RFC4: variants seen among roughly 807,000 people sequenced by gnomAD.
RFC4 encodes A1 37 kDa subunit.
Under a neutral mutation model 47.6 loss-of-function variants are expected in RFC4, and 38 were observed. That is an observed-to-expected ratio of 0.80 (90% confidence interval 0.62 to 1.05). RFC4 has a LOEUF of 1.05. RFC4 is among the 50% of genes least tolerant of loss of function. The probability of loss-of-function intolerance (pLI) is 0.00; values close to 1 mark genes in which losing one functional copy is unlikely to be tolerated. For missense variants in RFC4, 489 were observed against 434.0 expected (o/e 1.13, Z -1.13); for synonymous variants, 164 against 150.0 (o/e 1.09, Z -0.68).
rs566773812 is a variant in RFC4 at position 186,801,281 on chromosome 3, C to A, written c.132-86G>T. ...CTCAAGTGTTCCTTCTACTAAAATA[C>A]CAATGACCATTCTTAAACATCAGCA... On this transcript the variant is annotated intron_variant, in intron 2 of 10. Transcript: ENST00000296273. 585 of 945,992 alleles carry A rather than the reference C, an allele frequency of 6.2e-4. 1 individual carries two copies. Among genetic ancestry groups the A allele is most frequent in the Non-Finnish European group, 3.6e-5 (21 of 586,014 alleles). 58.6% of individuals were successfully genotyped at this position (945,992 alleles called of 1,614,324 possible). A position where few individuals can be genotyped will look rare whatever the true frequency, so the allele number is the denominator to read the frequency against.
Position 186,796,869 on chromosome 3 carries a change from G to A in RFC4, c.290+666C>T, listed in dbSNP as rs1008257078. ...ACTCAAAACAGCCTTTGTTATGTTGGTGCATGTTTCATGTATATCAGACCC... is the reference window on the plus strand; with the variant it reads ...ACTCAAAACAGCCTTTGTTATGTTGATGCATGTTTCATGTATATCAGACCC... On this transcript the variant is annotated intron_variant, in intron 4 of 10. Coordinates refer to ENST00000296273, the MANE Select transcript of RFC4 (RefSeq NM_002916.5). The surrounding 1 kb of genome is among the most constrained non-coding windows in gnomAD (Gnocchi z 4.2). Among the ~76,000 whole-genome samples the A allele has an allele frequency of 1.3e-4, 20 of 152,158 alleles. No individual in the cohort carries two copies. Among genetic ancestry groups the A allele is most frequent in the Non-Finnish European group, 2.5e-4 (17 of 68,032 alleles).
chr3:186,792,492 C>T lies in RFC4; in HGVS notation c.673G>A (p.Glu225Lys). ...AKKENVKISD[E>K]GIAYLVKVSE... ...TAATTGTAATAATTAGTAATTACCT[C>T]ATCACTAATTTTGACATTTTCCTTC... is the stretch of plus-strand genomic sequence containing the variant. The change falls in exon 7 of 11, where the codon GAG becomes AAG. Residue 225 changes from glutamate (E) to lysine (K), a missense_variant and splice_region_variant. Physicochemically the swap from Glu to Lys is moderately conservative, Grantham distance 56 (BLOSUM62 1). Around this residue, in one of 2 missense-constraint regions of RFC4, gnomAD observed 283 missense variants for 176.2 expected, o/e 1.61. Transcript: ENST00000296273. 1.2e-6 allele frequency: 2 copies of T among 1,607,050 alleles called. No individual in the cohort carries two copies. The highest frequency in any genetic ancestry group is 1.7e-6 in the Non-Finnish European group (2 of 1,173,776).
chr3:186,806,064 C>T (rs967209889), intron 1 of RFC4, among the ~76,000 whole-genome samples: 2 of 152,180 alleles, frequency 1.3e-5, no homozygotes, highest in Admixed American at 6.5e-5. Context: ...GTTTTTATAA[C>T]GTTACTGGAT....
At chr3:186,794,559 G>C (rs916814063) in intron 5 of RFC4, 99 bp downstream of exon 5, 2 of 1,226,102 alleles carry the variant, frequency 1.6e-6, no homozygotes, top group Middle Eastern at 2.0e-4. Context: ...CAATTTGGCA[G>C]AAATACACTT....
At chr3:186,798,977 T>C (rs1722298410) in intron 3 of RFC4, among the ~76,000 whole-genome samples, 1 of 152,224 alleles carries the variant, frequency 6.6e-6, no homozygotes, top group Non-Finnish European at 1.5e-5. Context: ...ATATGTTAAT[T>C]AGAAGACTAT....
intron 2 of RFC4, among the ~76,000 whole-genome samples, chr3:186,801,710 CA>C (rs34281312): frequency 0.39 from 28,813 of 73,172 alleles, 2,312 homozygotes; most frequent in Non-Finnish European, 0.41. Context: ...GACTCTGTCT[CA>C]AAAAAAAAAA....
Position 186,793,231 on chromosome 3 carries a change from T to C in RFC4, c.411-284A>G, listed in dbSNP as rs1476611742. ...ACTTTCATCTCTATAGATTTGCCTATTCTGGACATGATATGAATGGAACAT... is the reference window on the plus strand; with the variant it reads ...ACTTTCATCTCTATAGATTTGCCTACTCTGGACATGATATGAATGGAACAT... On this transcript the variant is annotated intron_variant, in intron 5 of 10. Transcript: ENST00000296273. This position sits in a 1 kb window ranked among gnomAD's most constrained non-coding sequence, Gnocchi z 4.2. Among the ~76,000 whole-genome samples the C allele has an allele frequency of 6.6e-6, 1 of 152,230 alleles. No homozygotes were observed. The highest frequency in any genetic ancestry group is 1.5e-5 in the Non-Finnish European group (1 of 68,040).
intron 7 of RFC4, 76 bp downstream of exon 7, chr3:186,792,414 A>T: frequency 7.4e-7 from 1 of 1,354,190 alleles, no homozygotes; most frequent in Non-Finnish European, 1.0e-6. Context: ...ACACACATTT[A>T]AATCTTTCAG....
In RFC4 at chr3:186,797,464, A is replaced by G. The variant is rs1306205196; in HGVS notation, c.290+71T>C. 1.4e-5 allele frequency: 14 copies of G among 1,015,788 alleles called. No homozygotes were observed. In the South Asian group the frequency reaches 1.9e-4, roughly 13 times the overall value. 62.9% of individuals were successfully genotyped at this position (1,015,788 alleles called of 1,614,324 possible). A position where few individuals can be genotyped will look rare whatever the true frequency, so the allele number is the denominator to read the frequency against. ...AAAACGAAACGCAAATTTTTAGAGG[A>G]AAAAAAGCAATATCAGAGAATTTTG... is the stretch of plus-strand genomic sequence containing the variant. On this transcript the variant is annotated intron_variant, in intron 4 of 10. Transcript: ENST00000296273.
At chr3:186,805,076 T>C (rs1456845540) in intron 1 of RFC4, among the ~76,000 whole-genome samples, 2 of 152,246 alleles carry the variant, frequency 1.3e-5, no homozygotes, top group African/African-American at 2.4e-5. Context: ...CCAAACCACA[T>C]GGGCCTCCAT....
intron 4 of RFC4, among the ~76,000 whole-genome samples, chr3:186,795,486 T>C (rs2108469827): frequency 6.6e-6 from 1 of 152,300 alleles, no homozygotes; most frequent in Non-Finnish European, 1.5e-5. Flanking sequence ...AATAATGTTA[T>C]AATATAGCAC....
intron 1 of RFC4, chr3:186,805,588 G>A (rs979747189): frequency 3.3e-5 from 5 of 152,126 alleles, no homozygotes; most frequent in African/African-American, 9.7e-5. Flanking sequence ...GGGAAGGGAA[G>A]GTGGGGGACT....
chr3:186,804,447 TG>T, intron 2 of RFC4, 135 bp downstream of exon 2: 1 of 770,334 alleles, frequency 1.3e-6, no homozygotes, highest in Non-Finnish European at 2.0e-6. Flanking sequence ...CTTATATAAG[TG>T]GGTGATTTTT....
intron 8 of RFC4, among the ~76,000 whole-genome samples, chr3:186,790,730 C>G (rs1722095740): frequency 6.6e-6 from 1 of 152,184 alleles, no homozygotes; most frequent in Non-Finnish European, 1.5e-5. Flanking sequence ...GAACAGTGGC[C>G]AAGATCAATC....
At chr3:186,803,768 TC>T (rs1722414122) in intron 2 of RFC4, among the ~76,000 whole-genome samples, 1 of 151,190 alleles carries the variant, frequency 6.6e-6, no homozygotes, top group African/African-American at 2.4e-5. Context: ...CACCTTGGCC[TC>T]CCAAATTGCT....
rs773928424 is a variant in RFC4 at position 186,801,075 on chromosome 3, T to C, written c.210+42A>G. 2.9e-6 allele frequency: 4 copies of C among 1,388,282 alleles called. 1 individual carries two copies. Among genetic ancestry groups the C allele is most frequent in the South Asian group, 2.3e-5 (2 of 86,344 alleles). 86.0% of individuals were successfully genotyped at this position (1,388,282 alleles called of 1,614,324 possible). A position where few individuals can be genotyped will look rare whatever the true frequency, so the allele number is the denominator to read the frequency against. Reference sequence around the variant, plus strand: ...GAAGAAAGAGGGTGAATAAATTAAGTCTTAAATATCCCAATGACATTAAAC... The same window carrying C: ...GAAGAAAGAGGGTGAATAAATTAAGCCTTAAATATCCCAATGACATTAAAC... On this transcript the variant is annotated intron_variant, in intron 3 of 10. Transcript: ENST00000296273.
chr3:186,792,689 T>G, intron 6 of RFC4, 79 bp from the exon 7 acceptor site: 4 of 1,564,700 alleles, frequency 2.6e-6, no homozygotes, highest in Non-Finnish European at 3.5e-6. Flanking sequence ...CAAGAACAAA[T>G]CAAGATTTGA....
Position 186,790,272 on chromosome 3 carries a change from TTTTGG to T in RFC4, c.883-22_883-18del. 6.2e-7 allele frequency: 1 copy of T among 1,611,106 alleles called. No individual in the cohort carries two copies. The highest frequency in any genetic ancestry group is 8.5e-7 in the Non-Finnish European group (1 of 1,177,460). ...TATTAAATCCTATAATAAAAAAAAC[TTTTGG>T]TATGATGACTTAATATTCCTTTCCC... On this transcript the variant is annotated intron_variant, in intron 9 of 10. Transcript: ENST00000296273.
chr3:186,793,776 G>A lies in RFC4; in HGVS notation c.411-829C>T, dbSNP rs932770715. ...CTTGCTCTGTCGCCCAGGCTGGAGT[G>A]CAGTGGTGCGATCTTGGCTCACTGC... is the stretch of plus-strand genomic sequence containing the variant. On this transcript the variant is annotated intron_variant, in intron 5 of 10. Coordinates refer to ENST00000296273, the MANE Select transcript of RFC4 (RefSeq NM_002916.5). This position sits in a 1 kb window ranked among gnomAD's most constrained non-coding sequence, Gnocchi z 4.2. Among the ~76,000 whole-genome samples, 2 of 151,178 alleles carry A rather than the reference G, an allele frequency of 1.3e-5. No individual in the cohort carries two copies. The highest frequency in any genetic ancestry group is 2.4e-5 in the African/African-American group (1 of 41,054).
Sources: gnomAD v4.1 joint callset for allele counts (sites outside exome capture counted in the v4.1 genomes callset) on GRCh38, gnomAD v4.1.1 for gene constraint, gnomAD v4.1.1 regional missense constraint, Gnocchi (gnomAD v3.1) non-coding constraint, MANE v1.5 for transcripts, NCBI Gene and HGNC (gene_info 2026-07-23, HGNC 2026-07-21) for gene names.